Variants in CAPZA1 observed in about 807,000 individuals in gnomAD.
The protein encoded by CAPZA1 is F-actin-capping protein subunit alpha-1.
Under a neutral mutation model 40.8 loss-of-function variants are expected in CAPZA1, and 10 were observed. The ratio of observed to expected loss-of-function variants is 0.25; its 90% CI spans 0.15 to 0.42. CAPZA1 has a LOEUF of 0.42. CAPZA1 is among the 10% of genes least tolerant of loss of function. CAPZA1 has a pLI of 1.00. For missense variants in CAPZA1, 277 were observed against 353.8 expected (o/e 0.78, Z 1.74); for synonymous variants, 98 against 115.0 (o/e 0.85, Z 0.95).
intron 5 of CAPZA1, among the ~76,000 whole-genome samples, chr1:112,656,413 A>G (rs1437752812): frequency 1.5e-5 from 2 of 134,346 alleles, no homozygotes; most frequent in East Asian, 5.0e-4. Flanking sequence ...TGTTAGATGA[A>G]TGTTAGGCTA....
intron 5 of CAPZA1, among the ~76,000 whole-genome samples, chr1:112,657,853 A>G (rs1282370965): frequency 6.6e-6 from 1 of 152,124 alleles, no homozygotes; most frequent in African/African-American, 2.4e-5. Flanking sequence ...CAGCCTCTCA[A>G]AGTGCTGGGG....
In CAPZA1 at chr1:112,623,228, C is replaced by T. The variant is rs149415679; in HGVS notation, c.39+3345C>T. 2.1e-3 allele frequency among the ~76,000 whole-genome samples: 316 copies of T among 152,266 alleles called. 1 individual carries two copies. Among genetic ancestry groups the T allele is most frequent in the South Asian group, 3.7e-3 (18 of 4,824 alleles). ...CTGGATCCTTGATTATGTATTACCT[C>T]CTTAATTTACTAGTTACCATTGTAG... On this transcript the variant is annotated intron_variant, in intron 1 of 9. Coordinates refer to ENST00000263168, the MANE Select transcript of CAPZA1 (RefSeq NM_006135.3).
chr1:112,653,335 C>A (rs1671434612), intron 3 of CAPZA1, among the ~76,000 whole-genome samples: 1 of 152,100 alleles, frequency 6.6e-6, no homozygotes. Context: ...AGCAGAAGGT[C>A]TTTTGGAGCT....
At chr1:112,647,701 A>G (rs1344063355) in intron 2 of CAPZA1, among the ~76,000 whole-genome samples, 1 of 152,240 alleles carries the variant, frequency 6.6e-6, no homozygotes, top group Non-Finnish European at 1.5e-5. Context: ...CTTATTAAAT[A>G]TGCAGATTCA....
intron 1 of CAPZA1, among the ~76,000 whole-genome samples, chr1:112,625,749 G>A (rs1282276391): frequency 1.3e-5 from 2 of 152,124 alleles, no homozygotes; most frequent in Non-Finnish European, 2.9e-5. Flanking sequence ...TGATATCTTG[G>A]TCTTGCCAAG....
At chr1:112,630,075 C>T (rs1670890767) in intron 1 of CAPZA1, among the ~76,000 whole-genome samples, 1 of 152,096 alleles carries the variant, frequency 6.6e-6, no homozygotes, top group African/African-American at 2.4e-5. Context: ...CAGGGTCTCA[C>T]TCTGTCACCA....
At chr1:112,654,415 A>T (rs772723529) in intron 4 of CAPZA1, 50 bp from the exon 5 acceptor site, 8 of 1,210,874 alleles carry the variant, frequency 6.6e-6, no homozygotes, top group Non-Finnish European at 9.4e-6. Flanking sequence ...AAAAGGCAGT[A>T]AGAATTGTCT....
chr1:112,628,642 AT>A (rs2101139564), intron 1 of CAPZA1, among the ~76,000 whole-genome samples: 1 of 152,288 alleles, frequency 6.6e-6, no homozygotes, highest in Admixed American at 6.5e-5. Context: ...AGCATTGGAC[AT>A]TTTTCCTCTA....
At chr1:112,667,825 C>G (rs550091845) in intron 8 of CAPZA1, among the ~76,000 whole-genome samples, 1 of 152,118 alleles carries the variant, frequency 6.6e-6, no homozygotes, top group African/African-American at 2.4e-5. Context: ...AGCCACCATG[C>G]CTGGCCACTA....
intron 1 of CAPZA1, among the ~76,000 whole-genome samples, chr1:112,644,728 TTCTC>T (rs1288885768): frequency 6.6e-6 from 1 of 152,210 alleles, no homozygotes; most frequent in African/African-American, 2.4e-5. Flanking sequence ...TTTTCATCCT[TTCTC>T]TCATAGTATG....
intron 2 of CAPZA1, among the ~76,000 whole-genome samples, chr1:112,649,059 T>C (rs1181800751): frequency 6.6e-6 from 1 of 152,222 alleles, no homozygotes; most frequent in Non-Finnish European, 1.5e-5. Context: ...ATTTCACTCT[T>C]ACTGACTGAA....
At chr1:112,622,007 C>T (rs865954696) in intron 1 of CAPZA1, among the ~76,000 whole-genome samples, 87 of 151,906 alleles carry the variant, frequency 5.7e-4, no homozygotes, top group Middle Eastern at 3.4e-3. Flanking sequence ...ATGATCTGCC[C>T]GCCTTGGCCT....
chr1:112,623,281 G>A (rs1254593411), intron 1 of CAPZA1, among the ~76,000 whole-genome samples: 1 of 152,188 alleles, frequency 6.6e-6, no homozygotes, highest in African/African-American at 2.4e-5. Flanking sequence ...AGATTGTTTG[G>A]TGTGGCTGTT....
At chr1:112,636,348 G>A (rs964041856) in intron 1 of CAPZA1, among the ~76,000 whole-genome samples, 1 of 152,116 alleles carries the variant, frequency 6.6e-6, no homozygotes, top group Non-Finnish European at 1.5e-5. Context: ...AGAATAAGAC[G>A]AATGGGAAGA....
chr1:112,647,002 A>T (rs1553179823), intron 1 of CAPZA1, among the ~76,000 whole-genome samples: 1 of 152,190 alleles, frequency 6.6e-6, no homozygotes, highest in Non-Finnish European at 1.5e-5. Flanking sequence ...CAAAACACGT[A>T]TATTCCCAAA....
chr1:112,663,206 C>T (rs1175609567), intron 7 of CAPZA1, among the ~76,000 whole-genome samples: 22 of 152,106 alleles, frequency 1.4e-4, no homozygotes, highest in African/African-American at 4.3e-4. Context: ...CCTCGTGATG[C>T]GCCTACCTTG....
intron 8 of CAPZA1, among the ~76,000 whole-genome samples, chr1:112,668,559 C>G (rs948165859): frequency 6.6e-6 from 1 of 152,132 alleles, no homozygotes; most frequent in Non-Finnish European, 1.5e-5. Flanking sequence ...TGTCTTGGCT[C>G]ACTGCAACCA....
At chr1:112,654,765 TC>T in intron 5 of CAPZA1, 94 bp downstream of exon 5, 1 of 768,920 alleles carries the variant, frequency 1.3e-6, no homozygotes, top group South Asian at 2.3e-5. Context: ...CCTACTTTCT[TC>T]TTAGCCATGC....
chr1:112,623,301 G>A (rs555272803), intron 1 of CAPZA1, among the ~76,000 whole-genome samples: 103 of 152,200 alleles, frequency 6.8e-4, no homozygotes, highest in Non-Finnish European at 7.3e-5. Context: ...TTTCTAACAA[G>A]TCATCAATTA....
Sources: allele counts gnomAD v4.1 joint callset (sites outside exome capture counted in the v4.1 genomes callset), GRCh38; gene constraint gnomAD v4.1.1; transcripts MANE v1.5; gene names NCBI Gene and HGNC (gene_info 2026-07-23, HGNC 2026-07-21).